The following SRD5A2 variants were observed in gnomAD, a reference collection of about 807,000 sequenced individuals.
SRD5A2 encodes steroid 5 alpha-reductase 2.
SRD5A2 carries 30 observed loss-of-function variants against 27.4 expected under a neutral mutation model. That is an observed-to-expected ratio of 1.10 (90% CI 0.82 to 1.49). The LOEUF (loss-of-function observed/expected upper bound fraction) is 1.49, where lower values mean the gene tolerates loss of function less well. SRD5A2 is among the 40% of genes most tolerant of loss of function. SRD5A2 has a pLI of 0.00. For synonymous variants in SRD5A2, 141 were observed against 133.6 expected, an observed-to-expected ratio of 1.06 and a Z score of -0.38; for missense variants, 348 against 323.4, an observed-to-expected ratio of 1.08 and a Z score of -0.58.
the SRD5A2 span, among the ~76,000 whole-genome samples, chr2:31,637,263 T>G: frequency 6.6e-6 from 1 of 152,096 alleles, no homozygotes; most frequent in Admixed American, 6.6e-5. Flanking sequence ...TGGTTTGTAG[T>G]GGCTCATAAT....
chr2:31,527,624 C>T (rs1274016392), intron 4 of SRD5A2: 1 of 152,212 alleles, frequency 6.6e-6, no homozygotes, highest in Non-Finnish European at 1.5e-5. Flanking sequence ...CCCAGGGACC[C>T]TCCAAGTGCT....
the SRD5A2 span, among the ~76,000 whole-genome samples, chr2:31,626,757 C>T: frequency 6.6e-6 from 1 of 152,094 alleles, no homozygotes; most frequent in Admixed American, 6.6e-5. Context: ...ATTCGGTTTG[C>T]CAGTATTATA....
the SRD5A2 span, among the ~76,000 whole-genome samples, chr2:31,599,326 T>C: frequency 6.6e-6 from 1 of 152,006 alleles, no homozygotes; most frequent in African/African-American, 2.4e-5. Flanking sequence ...TACATATTTA[T>C]GGAACATTTT....
At chr2:31,627,979 T>G in the SRD5A2 span, among the ~76,000 whole-genome samples, 3 of 152,182 alleles carry the variant, frequency 2.0e-5, no homozygotes, top group African/African-American at 7.2e-5. Flanking sequence ...TCTGTACATG[T>G]CTATTAGTTG....
At chr2:31,567,456 G>GTGTGTGTGTATA (rs143408801) in intron 1 of SRD5A2, among the ~76,000 whole-genome samples, 46 of 140,304 alleles carry the variant, frequency 3.3e-4, no homozygotes, top group Middle Eastern at 3.7e-3. Flanking sequence ...GTGTGTGTGT[G>GTGTGTGTGTATA]TATATATATA....
At chr2:31,656,588 C>G in the SRD5A2 span, among the ~76,000 whole-genome samples, 1 of 152,208 alleles carries the variant, frequency 6.6e-6, no homozygotes, top group Non-Finnish European at 1.5e-5. Context: ...GCCCCTTTTG[C>G]CCTTCCACCA....
the SRD5A2 span, among the ~76,000 whole-genome samples, chr2:31,633,632 G>A: frequency 3.0e-4 from 46 of 152,080 alleles, no homozygotes; most frequent in Admixed American, 2.7e-3. Context: ...CACCCCTCCC[G>A]AGGAAATCTC....
the SRD5A2 span, among the ~76,000 whole-genome samples, chr2:31,652,279 A>G: frequency 6.6e-6 from 1 of 152,218 alleles, no homozygotes; most frequent in Non-Finnish European, 1.5e-5. Context: ...TTCATTCATC[A>G]AATACATTTG....
intron 2 of SRD5A2, among the ~76,000 whole-genome samples, chr2:31,532,119 A>AT (rs1665920840): frequency 6.6e-6 from 1 of 152,190 alleles, no homozygotes; most frequent in Non-Finnish European, 1.5e-5. Flanking sequence ...ACAGGTAAAC[A>AT]TGCTAAGAAT....
At chr2:31,574,764 A>C (rs889657541) in intron 1 of SRD5A2, among the ~76,000 whole-genome samples, 1 of 152,262 alleles carries the variant, frequency 6.6e-6, no homozygotes, top group Non-Finnish European at 1.5e-5. Flanking sequence ...AAATTTTATT[A>C]TAGAATTACC....
the SRD5A2 span, among the ~76,000 whole-genome samples, chr2:31,592,636 T>C: frequency 6.6e-6 from 1 of 152,118 alleles, no homozygotes; most frequent in Non-Finnish European, 1.5e-5. Flanking sequence ...AGAGGCCCCA[T>C]CCCTGGGGGA....
chr2:31,653,274 G>A, the SRD5A2 span, among the ~76,000 whole-genome samples: 1 of 152,156 alleles, frequency 6.6e-6, no homozygotes, highest in Non-Finnish European at 1.5e-5. Flanking sequence ...TCATGGAACT[G>A]TATTCCAAAT....
At chr2:31,560,050 A>G (rs13432696) in intron 1 of SRD5A2, among the ~76,000 whole-genome samples, 16,808 of 116,602 alleles carry the variant, frequency 0.14, 1,098 homozygotes, top group Middle Eastern at 0.24. Flanking sequence ...CTATGTACAT[A>G]CCAATCCCCC....
chr2:31,538,528 C>T (rs970292655), intron 1 of SRD5A2, among the ~76,000 whole-genome samples: 8 of 152,094 alleles, frequency 5.3e-5, no homozygotes, highest in African/African-American at 1.9e-4. Context: ...TATAGCAGAC[C>T]AATAAAGCTG....
the SRD5A2 span, among the ~76,000 whole-genome samples, chr2:31,593,602 C>A: frequency 5.3e-5 from 8 of 152,248 alleles, no homozygotes; most frequent in Middle Eastern, 3.4e-3. Context: ...GAAAATAAAT[C>A]TAAAAGTTTG....
chr2:31,578,786 G>GTT (rs28382999), intron 1 of SRD5A2, among the ~76,000 whole-genome samples: 16 of 151,124 alleles, frequency 1.1e-4, no homozygotes, highest in Non-Finnish European at 1.8e-4. Context: ...ACTCCTTTGG[G>GTT]TTTTTTTTTA....
chr2:31,582,728 C>A (rs1448514396), upstream of SRD5A2, among the ~76,000 whole-genome samples: 1 of 152,186 alleles, frequency 6.6e-6, no homozygotes, highest in Non-Finnish European at 1.5e-5. Flanking sequence ...CTACCCAAAA[C>A]TAAACCCAGT....
the SRD5A2 span, among the ~76,000 whole-genome samples, chr2:31,611,013 G>A: frequency 6.6e-6 from 1 of 152,092 alleles, no homozygotes; most frequent in East Asian, 1.9e-4. Context: ...GGAGGTTGAG[G>A]CAGGAGAATC....
chr2:31,622,817 T>C, the SRD5A2 span, among the ~76,000 whole-genome samples: 1 of 152,094 alleles, frequency 6.6e-6, no homozygotes, highest in South Asian at 2.1e-4. Context: ...TCACCGGTTG[T>C]TGAATAAAAT....
Sources: allele counts gnomAD v4.1 joint callset (sites outside exome capture counted in the v4.1 genomes callset), GRCh38; gene constraint gnomAD v4.1.1; transcripts MANE v1.5; gene names NCBI Gene and HGNC (gene_info 2026-07-23, HGNC 2026-07-21).